PTPRD: variants seen among roughly 807,000 people sequenced by gnomAD.
PTPRD encodes receptor-type tyrosine-protein phosphatase delta.
In PTPRD, 34 loss-of-function variants were observed where a neutral mutation model predicts 214.5. The ratio of observed to expected loss-of-function variants is 0.16; its 90% confidence interval spans 0.12 to 0.21. The LOEUF (loss-of-function observed/expected upper bound fraction) is 0.21, where lower values mean the gene tolerates loss of function less well. PTPRD is among the 10% of genes least tolerant of loss of function. The probability of loss-of-function intolerance (pLI) is 1.00; values close to 1 mark genes in which losing one functional copy is unlikely to be tolerated. For synonymous variants in PTPRD, 1,128 were observed against 845.7 expected (o/e 1.33, Z -5.79); for missense variants, 2,545 against 2,398.7 (o/e 1.06, Z -1.27).
intron 11 of PTPRD, among the ~76,000 whole-genome samples, chr9:8,890,280 T>C (rs2098527675): frequency 6.6e-6 from 1 of 152,198 alleles, no homozygotes; most frequent in Non-Finnish European, 1.5e-5. Flanking sequence ...AGGGTAACAT[T>C]ACCTAGATAC....
chr9:9,605,671 C>T (rs1327241608), intron 7 of PTPRD, among the ~76,000 whole-genome samples: 2 of 152,116 alleles, frequency 1.3e-5, no homozygotes, highest in African/African-American at 4.8e-5. Context: ...GAAGTTGAGA[C>T]TGGAGTCAGG....
chr9:8,496,996 G>A (rs751663560), intron 26 of PTPRD, among the ~76,000 whole-genome samples: 60 of 152,266 alleles, frequency 3.9e-4, no homozygotes, highest in Non-Finnish European at 6.9e-4. Context: ...GGCAGAGTTA[G>A]TAGCAGCCAT....
intron 9 of PTPRD, among the ~76,000 whole-genome samples, chr9:9,289,495 G>C (rs1041689910): frequency 6.6e-6 from 1 of 151,734 alleles, no homozygotes; most frequent in Non-Finnish European, 1.5e-5. Flanking sequence ...GTGTGTGTGT[G>C]TCTGCTCTCT....
At position 8,359,795 on chromosome 9, in the gene PTPRD, A is replaced by T. The variant is rs146270941; in HGVS notation, c.4661+16141T>A. On this transcript the variant is annotated intron_variant, in intron 39 of 45. Coordinates refer to ENST00000381196, the MANE Select transcript of PTPRD (RefSeq NM_002839.4). ...CAGTTGCATTGCTTTGTTTGTGTCA[A>T]AGTTCTGTTTTCCTCCCCTTATCTC... 4.4e-3 allele frequency among the ~76,000 whole-genome samples: 665 copies of T among 152,314 alleles called. 5 individuals are homozygous for T. Among genetic ancestry groups the T allele is most frequent in the African/African-American group, 0.014 (572 of 41,564 alleles).
At chr9:8,761,446 A>C (rs2094407872) in intron 11 of PTPRD, among the ~76,000 whole-genome samples, 1 of 152,210 alleles carries the variant, frequency 6.6e-6, no homozygotes, top group Non-Finnish European at 1.5e-5. Flanking sequence ...ATACCACACA[A>C]TATGGTTACT....
chr9:10,178,302 C>T (rs370686297), intron 3 of PTPRD, among the ~76,000 whole-genome samples: 14 of 151,782 alleles, frequency 9.2e-5, no homozygotes, highest in Non-Finnish European at 1.8e-4. Context: ...TTTCTTTCCA[C>T]CTTCCCTACC....
At chr9:9,244,575 G>T (rs367694246) in intron 9 of PTPRD, among the ~76,000 whole-genome samples, 3 of 152,180 alleles carry the variant, frequency 2.0e-5, no homozygotes, top group Non-Finnish European at 2.9e-5. Flanking sequence ...GGGAAAACTG[G>T]CTAGCCATAC....
intron 12 of PTPRD, among the ~76,000 whole-genome samples, chr9:8,698,226 C>A (rs558706530): frequency 6.6e-6 from 1 of 152,300 alleles, no homozygotes; most frequent in East Asian, 1.9e-4. Context: ...GCACTGAATA[C>A]CTACTGTGTG....
At chr9:8,928,267 A>T (rs1157209985) in intron 11 of PTPRD, among the ~76,000 whole-genome samples, 2 of 152,138 alleles carry the variant, frequency 1.3e-5, no homozygotes, top group African/African-American at 4.8e-5. Context: ...TTAGTCATGA[A>T]GTCTTTGCCC....
Position 9,544,707 on chromosome 9 carries a change from G to C in PTPRD, c.-237+30025C>G, listed in dbSNP as rs546389984. 8.0e-4 allele frequency among the ~76,000 whole-genome samples: 122 copies of C among 151,562 alleles called. 1 individual carries two copies. The highest frequency in any genetic ancestry group is 2.1e-4 in the South Asian group (1 of 4,812). ...TTCTAGGCTCACAAAATTTTCCTTGGATCATAAAAAGATAGATATTTTGAG... is the reference window on the plus strand; with the variant it reads ...TTCTAGGCTCACAAAATTTTCCTTGCATCATAAAAAGATAGATATTTTGAG... On this transcript the variant is annotated intron_variant, in intron 8 of 45. Transcript: ENST00000381196.
intron 11 of PTPRD, among the ~76,000 whole-genome samples, chr9:8,912,781 A>T (rs2154262467): frequency 6.6e-6 from 1 of 152,278 alleles, no homozygotes; most frequent in Admixed American, 6.5e-5. Flanking sequence ...AAATTATCTG[A>T]GTTGAACTTT....
chr9:8,847,046 C>T (rs947928275), intron 11 of PTPRD, among the ~76,000 whole-genome samples: 3 of 152,078 alleles, frequency 2.0e-5, no homozygotes, highest in African/African-American at 2.4e-5. Context: ...CATGAAAAGA[C>T]AGTGAATAAT....
chr9:8,479,850 T>C (rs2135503947), intron 30 of PTPRD, among the ~76,000 whole-genome samples: 1 of 152,336 alleles, frequency 6.6e-6, no homozygotes, highest in Middle Eastern at 3.4e-3. Flanking sequence ...GGAATGAATT[T>C]ATAGTCTATC....
At chr9:9,294,742 CA>C (rs1409924383) in intron 9 of PTPRD, among the ~76,000 whole-genome samples, 1 of 151,622 alleles carries the variant, frequency 6.6e-6, no homozygotes, top group Non-Finnish European at 1.5e-5. Flanking sequence ...AGAAATATGA[CA>C]AAATGAATTT....
chr9:8,493,038 A>G, intron 26 of PTPRD, 59 bp from the exon 27 acceptor site: 1 of 1,407,140 alleles, frequency 7.1e-7, no homozygotes. Context: ...CTCTGGGGGA[A>G]AAACAAGGCC....
chr9:8,608,768 T>C (rs1410298053), intron 14 of PTPRD, among the ~76,000 whole-genome samples: 5 of 152,198 alleles, frequency 3.3e-5, no homozygotes, highest in African/African-American at 7.2e-5. Context: ...AGAATAGAAG[T>C]ACTCCTTTAA....
At chr9:9,437,760 G>T (rs532318389) in intron 8 of PTPRD, among the ~76,000 whole-genome samples, 33 of 152,296 alleles carry the variant, frequency 2.2e-4, no homozygotes, top group African/African-American at 7.7e-4. Context: ...GAGATCTGCT[G>T]CTCTGGGTTC....
At chr9:9,884,177 C>A (rs750427437) in intron 5 of PTPRD, among the ~76,000 whole-genome samples, 5 of 152,088 alleles carry the variant, frequency 3.3e-5, no homozygotes, top group Non-Finnish European at 5.9e-5. Context: ...GCCTCCCCAT[C>A]ATCCTTCAAA....
chr9:10,124,460 G>A (rs1364314911), intron 3 of PTPRD, among the ~76,000 whole-genome samples: 3 of 152,068 alleles, frequency 2.0e-5, no homozygotes, highest in Non-Finnish European at 4.4e-5. Context: ...TTTCACCTCA[G>A]TTTGGCCACA....
Sources: gnomAD v4.1 joint callset for allele counts (sites outside exome capture counted in the v4.1 genomes callset) on GRCh38, gnomAD v4.1.1 for gene constraint, MANE v1.5 for transcripts, NCBI Gene and HGNC (gene_info 2026-07-23, HGNC 2026-07-21) for gene names.